CLSTN2: variants seen among roughly 807,000 people sequenced by gnomAD.
CLSTN2 encodes the protein calsyntenin-2.
Under a neutral mutation model 101.2 loss-of-function variants are expected in CLSTN2, and 48 were observed. The observed-to-expected ratio is 0.47, with a 90% confidence interval of 0.38 to 0.60. The LOEUF (loss-of-function observed/expected upper bound fraction) is 0.60, where lower values mean the gene tolerates loss of function less well. Among genes scored for constraint, CLSTN2 ranks in the 20% least tolerant of loss-of-function variants. The pLI is 0.00. For missense variants in CLSTN2, 1,160 were observed against 1,238.2 expected, an observed-to-expected ratio of 0.94 and a Z score of 0.95; for synonymous variants, 481 against 463.6, an observed-to-expected ratio of 1.04 and a Z score of -0.48.
chr3:140,439,953 C>T (rs1327925434), intron 5 of CLSTN2, among the ~76,000 whole-genome samples: 1 of 152,170 alleles, frequency 6.6e-6, no homozygotes, highest in East Asian at 1.9e-4. Flanking sequence ...TACATCTGCT[C>T]ACTCATTTCA....
chr3:140,310,006 A>G (rs1008824483), intron 2 of CLSTN2, among the ~76,000 whole-genome samples: 3 of 151,986 alleles, frequency 2.0e-5, no homozygotes, highest in Admixed American at 6.5e-5. Flanking sequence ...TGTCCTCCTT[A>G]TATCAACCCA....
intron 8 of CLSTN2, among the ~76,000 whole-genome samples, chr3:140,477,851 G>T (rs1026255072): frequency 1.3e-5 from 2 of 152,228 alleles, no homozygotes; most frequent in Non-Finnish European, 2.9e-5. Context: ...TGGCAGACTG[G>T]AAAATACTAT....
chr3:140,552,270 G>A (rs1457466891), intron 10 of CLSTN2, among the ~76,000 whole-genome samples: 1 of 152,100 alleles, frequency 6.6e-6, no homozygotes, highest in Non-Finnish European at 1.5e-5. Flanking sequence ...ATACCCAAGG[G>A]CGAGTGAGCA....
Position 140,396,889 on chromosome 3 carries a change from A to G in CLSTN2, c.233-6740A>G, listed in dbSNP as rs558086306. Among the ~76,000 whole-genome samples, 4 of 152,294 alleles carry G rather than the reference A, an allele frequency of 2.6e-5. No homozygotes were observed. The South Asian group carries it at 8.3e-4, about 32-fold the overall frequency. ...GCTGGGGGGACACTATTATTGGTAA[A>G]TTGTAAAAACAGCAGTTCTCATGTT... is the stretch of plus-strand genomic sequence containing the variant. On this transcript the variant is annotated intron_variant, in intron 2 of 16. Transcript: ENST00000458420.
intron 2 of CLSTN2, among the ~76,000 whole-genome samples, chr3:140,292,920 T>C (rs1040671235): frequency 2.0e-5 from 3 of 152,226 alleles, no homozygotes; most frequent in African/African-American, 7.2e-5. Context: ...GCTGAGTCTC[T>C]GGTTGGTGGT....
chr3:139,974,332 A>C (rs552459302), intron 1 of CLSTN2, among the ~76,000 whole-genome samples: 1 of 152,294 alleles, frequency 6.6e-6, no homozygotes, highest in East Asian at 1.9e-4. Flanking sequence ...GGACTCAACC[A>C]AGACATGTTC....
At chr3:140,103,140 C>T (rs1490792297) in intron 1 of CLSTN2, among the ~76,000 whole-genome samples, 2 of 152,186 alleles carry the variant, frequency 1.3e-5, no homozygotes, top group Admixed American at 1.3e-4. Flanking sequence ...CTGAGACTGA[C>T]CATGTTCCCA....
At chr3:140,068,501 G>A (rs2008337267) in intron 1 of CLSTN2, among the ~76,000 whole-genome samples, 1 of 152,182 alleles carries the variant, frequency 6.6e-6, no homozygotes, top group African/African-American at 2.4e-5. Flanking sequence ...TGGGTACTTG[G>A]ATTTGAGATG....
intron 2 of CLSTN2, among the ~76,000 whole-genome samples, chr3:140,253,763 G>A (rs73870716): frequency 3.0e-3 from 459 of 152,092 alleles, no homozygotes; most frequent in African/African-American, 0.01. Context: ...AAAGGGTTTC[G>A]GTCTTTTTTA....
intron 8 of CLSTN2, among the ~76,000 whole-genome samples, chr3:140,531,244 A>G (rs1180426242): frequency 6.6e-6 from 1 of 152,160 alleles, no homozygotes; most frequent in Non-Finnish European, 1.5e-5. Context: ...TAAAATATTC[A>G]TCAGGCTTTA....
At chr3:140,433,223 T>G (rs2088652894) in intron 5 of CLSTN2, among the ~76,000 whole-genome samples, 1 of 152,188 alleles carries the variant, frequency 6.6e-6, no homozygotes, top group African/African-American at 2.4e-5. Flanking sequence ...GAGAGGACCA[T>G]GGCTTGTGGA....
intron 1 of CLSTN2, among the ~76,000 whole-genome samples, chr3:140,119,627 A>G (rs2009305886): frequency 1.3e-5 from 2 of 151,576 alleles, no homozygotes; most frequent in African/African-American, 4.9e-5. Context: ...CAATTCTCCC[A>G]CCTCCCAAGT....
intron 9 of CLSTN2, among the ~76,000 whole-genome samples, chr3:140,538,151 T>C (rs1003205187): frequency 1.0e-5 from 1 of 99,454 alleles, no homozygotes; most frequent in Non-Finnish European, 1.8e-5. Flanking sequence ...CAGGGTAGGC[T>C]ACCTGTGACT....
intron 2 of CLSTN2, among the ~76,000 whole-genome samples, chr3:140,272,025 G>A (rs6795386): frequency 0.014 from 2,126 of 152,278 alleles, 45 homozygotes; most frequent in African/African-American, 0.048. Context: ...GCAGCTACCA[G>A]GGCAGTTTCT....
intron 2 of CLSTN2, among the ~76,000 whole-genome samples, chr3:140,366,926 C>T (rs1450364254): frequency 1.3e-5 from 2 of 152,280 alleles, no homozygotes; most frequent in African/African-American, 4.8e-5. Flanking sequence ...GAACTAGCAC[C>T]AAGCAGGGGC....
intron 2 of CLSTN2, among the ~76,000 whole-genome samples, chr3:140,310,284 C>G (rs543917405): frequency 6.6e-6 from 1 of 152,046 alleles, no homozygotes; most frequent in Non-Finnish European, 1.5e-5. Flanking sequence ...CCCACCGCAC[C>G]CCCTCCCCGC....
chr3:140,127,036 ATG>A (rs1412790567), intron 1 of CLSTN2, among the ~76,000 whole-genome samples: 1 of 152,086 alleles, frequency 6.6e-6, no homozygotes, highest in Non-Finnish European at 1.5e-5. Flanking sequence ...TATATATATC[ATG>A]TGTCATTATA....
chr3:140,405,114 T>C (rs561301158), intron 4 of CLSTN2, among the ~76,000 whole-genome samples: 1 of 152,178 alleles, frequency 6.6e-6, no homozygotes, highest in Non-Finnish European at 1.5e-5. Flanking sequence ...CTTGGCCATA[T>C]CTGGGTCCGT....
At chr3:140,488,638 CTTTT>C (rs66504085) in intron 8 of CLSTN2, among the ~76,000 whole-genome samples, 58 of 73,708 alleles carry the variant, frequency 7.9e-4, no homozygotes, top group African/African-American at 2.4e-3. Flanking sequence ...TTAATACGTG[CTTTT>C]TTTTTTTTTT....
Sources: allele counts gnomAD v4.1 joint callset (sites outside exome capture counted in the v4.1 genomes callset), GRCh38; gene constraint gnomAD v4.1.1; transcripts MANE v1.5; gene names NCBI Gene and HGNC (gene_info 2026-07-23, HGNC 2026-07-21).